Variants in ASIP observed in about 807,000 individuals in gnomAD.
The protein encoded by ASIP is agouti-signaling protein.
ASIP carries 11 observed loss-of-function variants against 10.3 expected under a neutral mutation model. The ratio of observed to expected loss-of-function variants is 1.07; its 90% CI spans 0.68 to 1.78. The LOEUF is 1.78. ASIP is among the 40% of genes most tolerant of loss of function. ASIP has a pLI of 0.00. For missense variants in ASIP, 180 were observed against 169.2 expected (o/e 1.06, Z -0.35); for synonymous variants, 70 against 70.8 (o/e 0.99, Z 0.06).
chr20:34,221,195 G>A (rs1344840542), intron 1 of ASIP, among the ~76,000 whole-genome samples: 1 of 151,700 alleles, frequency 6.6e-6, no homozygotes, highest in East Asian at 1.9e-4. Flanking sequence ...TGGCTAACAC[G>A]GTGAAACCCC....
chr20:34,235,868 A>G (rs71337945), intron 1 of ASIP, among the ~76,000 whole-genome samples: 4,793 of 24,422 alleles, frequency 0.2, 318 homozygotes, highest in East Asian at 0.25. Flanking sequence ...AAGGAAGGAA[A>G]GGAAGGAAGG....
chr20:34,253,731 A>C (rs1357064694), intron 1 of ASIP, among the ~76,000 whole-genome samples: 1 of 152,118 alleles, frequency 6.6e-6, no homozygotes, highest in African/African-American at 2.4e-5. Flanking sequence ...TCAGCTTCCC[A>C]AAGTGCTGGG....
chr20:34,242,680 G>C (rs17091634), intron 1 of ASIP, among the ~76,000 whole-genome samples: 1 of 152,242 alleles, frequency 6.6e-6, no homozygotes, highest in Non-Finnish European at 1.5e-5. Context: ...TAGAACTAAT[G>C]CATACATATT....
intron 1 of ASIP, among the ~76,000 whole-genome samples, chr20:34,196,834 C>A (rs1391774957): frequency 6.6e-6 from 1 of 152,200 alleles, no homozygotes; most frequent in Admixed American, 6.5e-5. Flanking sequence ...CCCCTCTGAT[C>A]ATCACCACAA....
upstream of ASIP, among the ~76,000 whole-genome samples, chr20:34,237,485 G>A (rs573701459): frequency 2.6e-5 from 4 of 152,148 alleles, no homozygotes; most frequent in Non-Finnish European, 5.9e-5. Context: ...ATATAGAAAT[G>A]TAACTGATAT....
chr20:34,191,107 A>G (rs959623746), upstream of ASIP, among the ~76,000 whole-genome samples: 2 of 152,216 alleles, frequency 1.3e-5, no homozygotes, highest in African/African-American at 4.8e-5. Flanking sequence ...AAAAGACTTT[A>G]AAGGAAAGTG....
intron 1 of ASIP, among the ~76,000 whole-genome samples, chr20:34,202,973 T>C (rs1225909397): frequency 6.6e-6 from 1 of 151,994 alleles, no homozygotes; most frequent in African/African-American, 2.4e-5. Flanking sequence ...TACGCCCGGC[T>C]AATTTTTTGT....
intron 1 of ASIP, among the ~76,000 whole-genome samples, chr20:34,252,624 G>C (rs865887833): frequency 1.3e-5 from 2 of 152,188 alleles, no homozygotes; most frequent in African/African-American, 2.4e-5. Flanking sequence ...GCAGGAGACA[G>C]ATGCCTTCCT....
intron 1 of ASIP, among the ~76,000 whole-genome samples, chr20:34,242,181 C>T (rs1233667921): frequency 3.3e-5 from 5 of 151,260 alleles, no homozygotes; most frequent in Admixed American, 6.6e-5. Context: ...TTTTTGGTTT[C>T]CTTTTTAAAA....
At chr20:34,204,092 T>G (rs2034918889) in intron 1 of ASIP, among the ~76,000 whole-genome samples, 2 of 152,224 alleles carry the variant, frequency 1.3e-5, no homozygotes. Flanking sequence ...TAATTAAAAT[T>G]TTGTATTTAT....
At chr20:34,252,528 C>T (rs60392529) in intron 1 of ASIP, among the ~76,000 whole-genome samples, 62 of 152,244 alleles carry the variant, frequency 4.1e-4, no homozygotes, top group African/African-American at 1.4e-3. Flanking sequence ...AGCCACAGGG[C>T]GGTTTTCTCC....
intron 1 of ASIP, among the ~76,000 whole-genome samples, chr20:34,195,813 T>G (rs1028687938): frequency 9.9e-5 from 15 of 152,166 alleles, no homozygotes; most frequent in African/African-American, 3.4e-4. Flanking sequence ...TTGTTTGTTT[T>G]TTTTGCTGGA....
In ASIP at chr20:34,260,547, G is replaced by A. The variant is rs2035672353; in HGVS notation, c.160+13G>A. The A allele has an allele frequency of 4.4e-6, 7 of 1,597,220 alleles. No homozygotes were observed. Among genetic ancestry groups the A allele is most frequent in the Non-Finnish European group, 6.0e-6 (7 of 1,168,122 alleles). ...GTCTCTATTGTGGGTAAGTCACCTA[G>A]CCTCTGGGCTCTGGCCCAGGAGAGG... On this transcript the variant is annotated intron_variant, in intron 2 of 3. Transcript: ENST00000374954.
intron 1 of ASIP, among the ~76,000 whole-genome samples, chr20:34,208,238 C>T (rs574338949): frequency 4.6e-5 from 7 of 152,238 alleles, no homozygotes; most frequent in African/African-American, 7.2e-5. Context: ...GTGATGCCTA[C>T]GGCTTTTTTC....
In ASIP at chr20:34,269,333, A is replaced by C; in HGVS notation, c.*166A>C. 1.2e-6 allele frequency: 1 copy of C among 849,214 alleles called. No homozygotes were observed. Among genetic ancestry groups the C allele is most frequent in the Non-Finnish European group, 1.7e-6 (1 of 593,550 alleles). The allele number at this position is 849,214 out of a possible 1,614,324, so 52.6% of individuals were successfully genotyped here. On this transcript the variant is annotated 3_prime_UTR_variant, in exon 4 of 4. Transcript: ENST00000374954. ...TTGGGCTAAAATCGAAATACAATAT[A>C]TATAGGCTGCTCGAAGGTGTGCGGC...
At chr20:34,268,697 G>A (rs1021017208) in intron 3 of ASIP, among the ~76,000 whole-genome samples, 1 of 151,870 alleles carries the variant, frequency 6.6e-6, no homozygotes, top group African/African-American at 2.4e-5. Context: ...TCGCGCCACT[G>A]CAGTCCAGCC....
upstream of ASIP, chr20:34,194,536 A>AG (rs1463293337): frequency 6.6e-6 from 1 of 151,652 alleles, no homozygotes; most frequent in African/African-American, 2.4e-5. Context: ...AAAAAAAAAA[A>AG]AAAGAAAGAA....
intron 1 of ASIP, chr20:34,214,464 T>C: frequency 6.6e-7 from 1 of 1,515,506 alleles, no homozygotes; most frequent in South Asian, 1.1e-5. Context: ...ACCTGAGAAG[T>C]GAGCACCATG....
intron 1 of ASIP, among the ~76,000 whole-genome samples, chr20:34,216,859 T>C (rs1452595314): frequency 2.0e-5 from 3 of 152,248 alleles, no homozygotes. Context: ...TCAATATTGT[T>C]TTGATTATTC....
Sources: allele counts gnomAD v4.1 joint callset (sites outside exome capture counted in the v4.1 genomes callset), GRCh38; gene constraint gnomAD v4.1.1; transcripts MANE v1.5; gene names NCBI Gene and HGNC (gene_info 2026-07-23, HGNC 2026-07-21).